The following LRRC55 variants were observed in gnomAD, a reference collection of about 807,000 sequenced individuals.
The protein encoded by LRRC55 is leucine-rich repeat-containing protein 55.
A neutral mutation model predicts 20.5 loss-of-function variants in LRRC55; 11 were observed. The ratio of observed to expected loss-of-function variants is 0.54; its 90% CI spans 0.34 to 0.89. The LOEUF is 0.89. LRRC55 is among the 40% of genes least tolerant of loss of function. The pLI, the probability that LRRC55 is intolerant of heterozygous loss-of-function variation, is 0.02. For synonymous variants in LRRC55, 188 were observed against 166.6 expected (o/e 1.13, Z -0.99); for missense variants, 358 against 390.9 (o/e 0.92, Z 0.71).
chr11:57,182,786 C>A, intron 1 of LRRC55, 103 bp downstream of exon 1: 2 of 1,254,304 alleles, frequency 1.6e-6, no homozygotes, highest in Non-Finnish European at 2.1e-6. Flanking sequence ...AAAGCACCTA[C>A]TGCATTTTCT....
At chr11:57,186,221 C>T (rs1206054100) in intron 1 of LRRC55, among the ~76,000 whole-genome samples, 3 of 152,136 alleles carry the variant, frequency 2.0e-5, no homozygotes, top group African/African-American at 7.2e-5. Context: ...ATACTCTTAA[C>T]TCTATACCCT....
intron 1 of LRRC55, among the ~76,000 whole-genome samples, chr11:57,183,549 A>G (rs57567223): frequency 0.034 from 5,230 of 152,194 alleles, 291 homozygotes; most frequent in African/African-American, 0.12. Context: ...CCCTGACTAT[A>G]TCCTGAAGAG....
chr11:57,183,095 G>C (rs1854384475), intron 1 of LRRC55, among the ~76,000 whole-genome samples: 1 of 152,106 alleles, frequency 6.6e-6, no homozygotes, highest in Non-Finnish European at 1.5e-5. Context: ...CAATAAAAAG[G>C]CTTGACAGGA....
At position 57,182,574 on chromosome 11, in the gene LRRC55, C is replaced by G; in HGVS notation, c.552C>G (p.Gly184=). The G allele has an allele frequency of 6.5e-7, 1 of 1,541,478 alleles. No homozygotes were observed. The highest frequency in any genetic ancestry group is 1.3e-5 in the South Asian group (1 of 78,242). The change falls in exon 1 of 2, where the codon GGC becomes GGG. Residue 184 remains glycine (G), a synonymous_variant. Coordinates refer to ENST00000497933, the MANE Select transcript of LRRC55 (RefSeq NM_001005210.4). ...TCCTCAGCCTGGAGGCTCTTGAGGG[C>G]CTACCGGGGCTGGTGACCCTGCAGA... The part of the protein sequence containing the change: ...LAFLSLEALE[G]LPGLVTLQIG...
Position 57,182,656 on chromosome 11 carries a change from C to A in LRRC55, c.634C>A (p.Arg212=), listed in dbSNP as rs1455490937. The change falls in exon 1 of 2, where the codon CGA becomes AGA. Residue 212 remains arginine (R), a synonymous_variant. Coordinates refer to ENST00000497933, the MANE Select transcript of LRRC55 (RefSeq NM_001005210.4). ...CATGGAACCCCTGCTGAAGTGGCTG[C>A]GAAACCGGATCCAGCGCTGTACAGC... ...CTMEPLLKWL[R]NRIQRCTADS... is the part of the protein sequence containing the mutation. The A allele has an allele frequency of 5.9e-6, 9 of 1,513,574 alleles. No homozygotes were observed. Among genetic ancestry groups the A allele is most frequent in the Middle Eastern group, 1.8e-4 (1 of 5,574 alleles). The allele number at this position is 1,513,574 out of a possible 1,614,324, so 93.8% of individuals were successfully genotyped here.
rs1382099199 is a variant in LRRC55, at chr11:57,182,209, C to T, written c.187C>T (p.Leu63=). ...GCGGCTATTCTCCGTGCCCCCAGAC[C>T]TGCCAATGGACACCCGAAACCTCAG... ...SQRLFSVPPD[L]PMDTRNLSLA... Residue 63 remains leucine, a synonymous_variant, in exon 1 of 2, where the codon CTG becomes TTG. Transcript: ENST00000497933. 1.2e-6 allele frequency: 2 copies of T among 1,614,220 alleles called. No homozygotes were observed. Among genetic ancestry groups the T allele is most frequent in the Non-Finnish European group, 1.7e-6 (2 of 1,180,042 alleles).
At position 57,182,320 on chromosome 11, in the gene LRRC55, T is replaced by A; in HGVS notation, c.298T>A (p.Ser100Thr). The A allele has an allele frequency of 6.2e-7, 1 of 1,613,870 alleles. No homozygotes were observed. The highest frequency in any genetic ancestry group is 8.5e-7 in the Non-Finnish European group (1 of 1,179,946). Residue 100 changes from serine (S) to threonine (T), a missense_variant, in exon 1 of 2, where the codon TCC (serine) becomes ACC (threonine). Physicochemically the swap from Ser to Thr is moderately conservative, Grantham distance 58 (BLOSUM62 1). This residue lies in a region of LRRC55 where 175 missense variants were observed against 164.5 expected (regional missense o/e 1.06). Coordinates refer to ENST00000497933, the MANE Select transcript of LRRC55 (RefSeq NM_001005210.4). ...CCAGGTGCTGGATTTGCACAACAACTCCTTAATGGAGCTGCCCCGGGGCCT... is the reference window on the plus strand; with the variant it reads ...CCAGGTGCTGGATTTGCACAACAACACCTTAATGGAGCTGCCCCGGGGCCT... Reference protein sequence around the residue: ...ELQVLDLHNNSLMELPRGLFL... With the variant: ...ELQVLDLHNNTLMELPRGLFL...
Position 57,189,127 on chromosome 11 carries a change from T to C in LRRC55, c.*1647T>C, listed in dbSNP as rs928700527. ...CGGATAGTTCATGAGTATTTTTGCA[T>C]CATTCTCCTTGACTTTTCACATCCC... On this transcript the variant is annotated 3_prime_UTR_variant, in exon 2 of 2. Coordinates refer to ENST00000497933, the MANE Select transcript of LRRC55 (RefSeq NM_001005210.4). 6.6e-6 allele frequency: 1 copy of C among 152,272 alleles called. No homozygotes were observed. The highest frequency in any genetic ancestry group is 1.5e-5 in the Non-Finnish European group (1 of 68,054). The allele number at this position is 152,272 out of a possible 1,614,324, so 9.4% of individuals were successfully genotyped here.
rs1219014919 is a variant in LRRC55 at position 57,188,485 on chromosome 11, G to A, written c.*1005G>A. 2 of 152,256 alleles carry A rather than the reference G, an allele frequency of 1.3e-5. No homozygotes were observed. Among genetic ancestry groups the A allele is most frequent in the East Asian group, 1.9e-4 (1 of 5,198 alleles). 9.4% of individuals were successfully genotyped at this position (152,256 alleles called of 1,614,324 possible). On this transcript the variant is annotated 3_prime_UTR_variant, in exon 2 of 2. Coordinates refer to ENST00000497933, the MANE Select transcript of LRRC55 (RefSeq NM_001005210.4). ...ATTTTCTTCTAAGCAACTTACCCAC[G>A]TTAAGCATGAGGGTGAGAGAGCTAT...
chr11:57,182,247 C>T lies in LRRC55; in HGVS notation c.225C>T (p.Asn75=). Residue 75 remains asparagine, a synonymous_variant, in exon 1 of 2, where the codon AAC becomes AAT. Coordinates refer to ENST00000497933, the MANE Select transcript of LRRC55 (RefSeq NM_001005210.4). ...CCCGAAACCTCAGCCTGGCCCACAA[C>T]CGCATCACAGCAGTGCCGCCTGGCT... ...MDTRNLSLAH[N]RITAVPPGYL... 1.2e-6 allele frequency: 2 copies of T among 1,614,206 alleles called. No individual in the cohort carries two copies.
chr11:57,191,363 T>A lies in LRRC55; in HGVS notation c.*3883T>A, dbSNP rs1157990187. 6.6e-6 allele frequency: 1 copy of A among 152,180 alleles called. No homozygotes were observed. Among genetic ancestry groups the A allele is most frequent in the Non-Finnish European group, 1.5e-5 (1 of 68,034 alleles). 9.4% of individuals were successfully genotyped at this position (152,180 alleles called of 1,614,324 possible). ...TTCCAGCAGTAGAAGACTAAAAAGA[T>A]ATATCTTAACCCATTCCTCAAAAGG... On this transcript the variant is annotated 3_prime_UTR_variant, in exon 2 of 2. Coordinates refer to ENST00000497933, the MANE Select transcript of LRRC55 (RefSeq NM_001005210.4).
intron 1 of LRRC55, among the ~76,000 whole-genome samples, chr11:57,184,197 G>T (rs987936647): frequency 3.9e-5 from 6 of 152,172 alleles, no homozygotes; most frequent in Non-Finnish European, 8.8e-5. Context: ...AGGATGCCTG[G>T]AGCAATCTCT....
chr11:57,188,715 G>C lies in LRRC55; in HGVS notation c.*1235G>C, dbSNP rs1854467636. The stretch of plus-strand genomic sequence containing the variant: ...GTGCTCTTTCTACTGCCCCATCCAA[G>C]TTGGGGAACATCACCATTCCCTCTA... On this transcript the variant is annotated 3_prime_UTR_variant, in exon 2 of 2. Coordinates refer to ENST00000497933, the MANE Select transcript of LRRC55 (RefSeq NM_001005210.4). 1 of 152,190 alleles carries C rather than the reference G, an allele frequency of 6.6e-6. No homozygotes were observed. The highest frequency in any genetic ancestry group is 1.5e-5 in the Non-Finnish European group (1 of 68,026). The allele number at this position is 152,190 out of a possible 1,614,324, so 9.4% of individuals were successfully genotyped here. A position where few individuals can be genotyped will look rare whatever the true frequency, so the allele number is the denominator to read the frequency against.
Position 57,182,580 on chromosome 11 carries a change from G to A in LRRC55, c.558G>A (p.Pro186=), listed in dbSNP as rs768529389. 1.7e-5 allele frequency: 26 copies of A among 1,539,200 alleles called. No individual in the cohort carries two copies. The highest frequency in any genetic ancestry group is 8.0e-5 in the Admixed American group (4 of 49,876). The change falls in exon 1 of 2, where the codon CCG becomes CCA. Residue 186 remains proline, a synonymous_variant. Coordinates refer to ENST00000497933, the MANE Select transcript of LRRC55 (RefSeq NM_001005210.4). ...GCCTGGAGGCTCTTGAGGGCCTACC[G>A]GGGCTGGTGACCCTGCAGATCGGTG... is the stretch of plus-strand genomic sequence containing the variant. ...FLSLEALEGL[P]GLVTLQIGGN... is the part of the protein sequence containing the mutation.
chr11:57,183,840 C>T (rs987876618), intron 1 of LRRC55, among the ~76,000 whole-genome samples: 1 of 152,216 alleles, frequency 6.6e-6, no homozygotes, highest in African/African-American at 2.4e-5. Flanking sequence ...CATCCCAACC[C>T]AGTGGCATCT....
rs898850186 is a variant in LRRC55 at position 57,189,316 on chromosome 11, G to A, written c.*1836G>A. The A allele has an allele frequency of 6.6e-6, 1 of 152,266 alleles. No individual in the cohort carries two copies. The highest frequency in any genetic ancestry group is 6.5e-5 in the Admixed American group (1 of 15,282). The allele number at this position is 152,266 out of a possible 1,614,324, so 9.4% of individuals were successfully genotyped here. A position where few individuals can be genotyped will look rare whatever the true frequency, so the allele number is the denominator to read the frequency against. ...CTTGGGGAAGAGAATGCCTCAGAAG[G>A]CTGGGTAGTGGGGCCCTGGAATTCA... On this transcript the variant is annotated 3_prime_UTR_variant, in exon 2 of 2. Coordinates refer to ENST00000497933, the MANE Select transcript of LRRC55 (RefSeq NM_001005210.4).
intron 1 of LRRC55, 123 bp downstream of exon 1, chr11:57,182,806 T>C: frequency 3.9e-6 from 4 of 1,034,712 alleles, no homozygotes; most frequent in Non-Finnish European, 5.2e-6. Context: ...TAATGTGGGC[T>C]TGCCTCTTTG....
At chr11:57,184,674 T>C (rs1038797968) in intron 1 of LRRC55, among the ~76,000 whole-genome samples, 5 of 152,158 alleles carry the variant, frequency 3.3e-5, no homozygotes, top group Non-Finnish European at 5.9e-5. Flanking sequence ...CTGTTATCCA[T>C]GGTTTTTGGA....
rs564443285 is a variant in LRRC55 at position 57,181,966 on chromosome 11, T to G, written c.-57T>G. ...CCTTCCTGTGTCACAGACTCTCGATTCCATGGACACAGTCCTCATGGGCTC... is the reference window on the plus strand; with the variant it reads ...CCTTCCTGTGTCACAGACTCTCGATGCCATGGACACAGTCCTCATGGGCTC... On this transcript the variant is annotated 5_prime_UTR_variant, in exon 1 of 2. In the 5' UTR this introduces an upstream ATG that the reference lacks. Transcript: ENST00000497933. 1 of 1,614,006 alleles carries G rather than the reference T, an allele frequency of 6.2e-7. No individual in the cohort carries two copies. The highest frequency in any genetic ancestry group is 1.7e-5 in the Admixed American group (1 of 60,018).
Sources: allele counts gnomAD v4.1 joint callset (sites outside exome capture counted in the v4.1 genomes callset), GRCh38; gene constraint gnomAD v4.1.1; regional missense constraint gnomAD v4.1.1; transcripts MANE v1.5; gene names NCBI Gene and HGNC (gene_info 2026-07-23, HGNC 2026-07-21).